Variants in LCOR observed in about 807,000 individuals in gnomAD.
The protein encoded by LCOR is ligand-dependent corepressor.
In LCOR, 14 loss-of-function variants were observed where a neutral mutation model predicts 64.4. That is an observed-to-expected ratio of 0.22 (90% confidence interval 0.14 to 0.34). The LOEUF (loss-of-function observed/expected upper bound fraction) is 0.34. Among genes scored for constraint, LCOR ranks in the 10% least tolerant of loss-of-function variants. The pLI is 1.00. For missense variants in LCOR, 1,686 were observed against 1,765.3 expected, an observed-to-expected ratio of 0.96 and a Z score of 0.80; for synonymous variants, 643 against 642.5, an observed-to-expected ratio of 1.00 and a Z score of -0.01.
chr10:96,880,974 CA>C (rs1846253430), intron 2 of LCOR, among the ~76,000 whole-genome samples: 1 of 152,108 alleles, frequency 6.6e-6, no homozygotes, highest in Non-Finnish European at 1.5e-5. Flanking sequence ...TCATTACATA[CA>C]ATGGATGTCT....
chr10:96,834,454 GTAT>G (rs1402316121), intron 2 of LCOR, among the ~76,000 whole-genome samples: 1 of 152,106 alleles, frequency 6.6e-6, no homozygotes, highest in Non-Finnish European at 1.5e-5. Flanking sequence ...TTCTTTCAAA[GTAT>G]TATTATGCAT....
intron 4 of LCOR, among the ~76,000 whole-genome samples, chr10:96,942,143 C>T (rs1847498372): frequency 6.9e-6 from 1 of 144,302 alleles, no homozygotes; most frequent in South Asian, 2.3e-4. Context: ...GCACTCCAGC[C>T]TGGGCACCAT....
At chr10:96,875,361 A>C (rs893692175) in intron 2 of LCOR, among the ~76,000 whole-genome samples, 1 of 151,966 alleles carries the variant, frequency 6.6e-6, no homozygotes, top group Non-Finnish European at 1.5e-5. Context: ...CGACAGAGCG[A>C]GACTCTGTCT....
intron 2 of LCOR, among the ~76,000 whole-genome samples, chr10:96,840,787 T>A (rs560280387): frequency 3.3e-5 from 5 of 152,346 alleles, no homozygotes; most frequent in Admixed American, 6.5e-5. Context: ...TATTAAAAAC[T>A]ATTATAACAA....
rs1403334723 is a variant in LCOR at position 96,994,704 on chromosome 10, A to G, written c.*9570A>G. 1 of 151,998 alleles carries G rather than the reference A, an allele frequency of 6.6e-6. No individual in the cohort carries two copies. Among genetic ancestry groups the G allele is most frequent in the Admixed American group, 6.6e-5 (1 of 15,258 alleles). 9.4% of individuals were successfully genotyped at this position (151,998 alleles called of 1,614,324 possible). ...GGGTGGGGGGAATGGGGCATTGTAG[A>G]TTATGTGGGGGTACAATAGAATTCT... On this transcript the variant is annotated 3_prime_UTR_variant, in exon 8 of 8. Transcript: ENST00000421806.
chr10:96,958,792 T>C (rs1589683516), intron 7 of LCOR: 1 of 192,150 alleles, frequency 5.2e-6, no homozygotes, highest in East Asian at 1.2e-4. Flanking sequence ...AAAGCACTAA[T>C]TGCATTACAT....
chr10:96,843,388 C>T (rs1243000930), intron 2 of LCOR, among the ~76,000 whole-genome samples: 1 of 152,184 alleles, frequency 6.6e-6, no homozygotes, highest in African/African-American at 2.4e-5. Flanking sequence ...CTGCCTCAGC[C>T]TCCCAAAGTG....
Position 96,983,768 on chromosome 10 carries a change from C to T in LCOR, c.3308C>T (p.Ala1103Val), listed in dbSNP as rs1361139867. The change falls in exon 8 of 8, where the codon GCT becomes GTT. Residue 1103 changes from alanine to valine, a missense_variant. By Grantham distance (64) the Ala-to-Val change is moderately conservative (BLOSUM62 0). This residue lies in a region of LCOR where 1,293 missense variants were observed against 1,410.4 expected (regional missense o/e 0.92). Coordinates refer to ENST00000421806, the MANE Select transcript of LCOR (RefSeq NM_001346516.2). The surrounding 1 kb of genome is among the most constrained non-coding windows in gnomAD (Gnocchi z 4.5). Reference protein sequence around the residue: ...DEQPKFMEWCAEEENQELIAN... With the variant: ...DEQPKFMEWCVEEENQELIAN... ...CAGCCAAAGTTTATGGAATGGTGTG[C>T]TGAGGAGGAGAACCAAGAGCTCATC... 6.2e-7 allele frequency: 1 copy of T among 1,613,996 alleles called. No individual in the cohort carries two copies. Among genetic ancestry groups the T allele is most frequent in the Non-Finnish European group, 8.5e-7 (1 of 1,180,020 alleles).
intron 2 of LCOR, among the ~76,000 whole-genome samples, chr10:96,886,150 T>G (rs1235921034): frequency 2.0e-5 from 3 of 152,204 alleles, no homozygotes; most frequent in Non-Finnish European, 4.4e-5. Flanking sequence ...AGTGCTGGGA[T>G]TACAGGTATG....
chr10:96,893,579 A>G (rs562480219), intron 2 of LCOR, among the ~76,000 whole-genome samples: 2 of 152,268 alleles, frequency 1.3e-5, no homozygotes, highest in African/African-American at 2.4e-5. Context: ...CCTGGCCAAT[A>G]TGGCGAAACC....
At chr10:96,908,835 C>T (rs1367191800) in intron 4 of LCOR, among the ~76,000 whole-genome samples, 1 of 152,108 alleles carries the variant, frequency 6.6e-6, no homozygotes, top group African/African-American at 2.4e-5. Context: ...CCTGCCTCAG[C>T]CTCACGAGTA....
intron 2 of LCOR, among the ~76,000 whole-genome samples, chr10:96,879,880 G>A (rs964310328): frequency 1.3e-4 from 20 of 152,064 alleles, no homozygotes; most frequent in African/African-American, 4.8e-4. Context: ...CCAGGCTGGT[G>A]TTGAACTCCT....
At chr10:96,931,112 A>G (rs564334506) in intron 4 of LCOR, among the ~76,000 whole-genome samples, 18 of 152,226 alleles carry the variant, frequency 1.2e-4, no homozygotes, top group African/African-American at 4.3e-4. Context: ...AATTATGACA[A>G]ATATTATTTA....
At chr10:96,872,341 C>G (rs1208135929) in intron 2 of LCOR, among the ~76,000 whole-genome samples, 1 of 152,202 alleles carries the variant, frequency 6.6e-6, no homozygotes, top group East Asian at 1.9e-4. Flanking sequence ...TCCAAAGAAT[C>G]AGGGTGACCT....
intron 7 of LCOR, among the ~76,000 whole-genome samples, chr10:96,966,219 T>TG (rs1847948753): frequency 8.7e-6 from 1 of 114,306 alleles, no homozygotes; most frequent in Non-Finnish European, 1.8e-5. Context: ...CCCAAAGGAC[T>TG]CTTTTTTTTT....
At chr10:96,960,499 T>C (rs1054949317) in intron 7 of LCOR, 1 of 152,208 alleles carries the variant, frequency 6.6e-6, no homozygotes, top group African/African-American at 2.4e-5. Context: ...TAATCACTCT[T>C]TTCTGTATAT....
rs945261528 is a variant in LCOR, at chr10:96,980,852, A to G, written c.392A>G (p.Glu131Gly). ...AACAATCAGTCGAAGTCCCCACTGGAGAAATTTATGGTCAAACTGTGTACT... is the reference window on the plus strand; with the variant it reads ...AACAATCAGTCGAAGTCCCCACTGGGGAAATTTATGGTCAAACTGTGTACT... ...DSNNQSKSPL[E>G]KFMVKLCTHH... Residue 131 changes from glutamate to glycine, a missense_variant, in exon 8 of 8, where the codon GAG becomes GGG. By Grantham distance (98) the Glu-to-Gly change is moderately conservative. Around this residue, in one of 3 missense-constraint regions of LCOR, gnomAD observed 313 missense variants for 247.2 expected, o/e 1.27. Coordinates refer to ENST00000421806, the MANE Select transcript of LCOR (RefSeq NM_001346516.2). The G allele has an allele frequency of 2.8e-6, 2 of 703,004 alleles. No individual in the cohort carries two copies. The highest frequency in any genetic ancestry group is 5.2e-6 in the Non-Finnish European group (2 of 385,000). The allele number at this position is 703,004 out of a possible 1,614,324, so 43.5% of individuals were successfully genotyped here.
intron 7 of LCOR, among the ~76,000 whole-genome samples, chr10:96,975,942 G>A (rs1848036545): frequency 6.6e-6 from 1 of 152,154 alleles, no homozygotes; most frequent in Admixed American, 6.5e-5. Context: ...TTGAACCCGG[G>A]AGGTGGAGGT....
intron 2 of LCOR, among the ~76,000 whole-genome samples, chr10:96,877,464 C>T (rs1486542277): frequency 6.6e-6 from 1 of 151,968 alleles, no homozygotes; most frequent in African/African-American, 2.4e-5. Flanking sequence ...GTCGTGGCTG[C>T]AGTGAGCTGT....
Sources: allele counts gnomAD v4.1 joint callset (sites outside exome capture counted in the v4.1 genomes callset), GRCh38; gene constraint gnomAD v4.1.1; regional missense constraint gnomAD v4.1.1; non-coding constraint Gnocchi (gnomAD v3.1); transcripts MANE v1.5; gene names NCBI Gene and HGNC (gene_info 2026-07-23, HGNC 2026-07-21).